HPS1: variants seen among roughly 807,000 people sequenced by gnomAD.
HPS1 encodes the protein BLOC-3 complex member HPS1.
A neutral mutation model predicts 90.6 loss-of-function variants in HPS1; 59 were observed. The ratio of observed to expected loss-of-function variants is 0.65; its 90% CI spans 0.53 to 0.81. HPS1 has a LOEUF of 0.81. Ranked by LOEUF, HPS1 falls within the 30% of genes least tolerant of loss-of-function variation. The pLI is 0.00. For synonymous variants in HPS1, 388 were observed against 384.4 expected (o/e 1.01, Z -0.11); for missense variants, 849 against 896.7 (o/e 0.95, Z 0.68).
Position 98,425,543 on chromosome 10 carries a change from G to C in HPS1, c.1333C>G (p.Gln445Glu). ...FVKNRGAQEI[Q>E]STWLEFKAKA... ...GAGGACTGGAACTTGGGTCTCACCT[G>C]AATCTCCTGTGCCCCTCGATTCTTG... The change falls in exon 13 of 20, where the codon CAG becomes GAG. Residue 445 changes from glutamine to glutamate, a missense_variant and splice_region_variant. By Grantham distance (29) the Gln-to-Glu change is conservative (BLOSUM62 2). Transcript: ENST00000361490. 1 of 1,609,624 alleles carries C rather than the reference G, an allele frequency of 6.2e-7. No homozygotes were observed. The highest frequency in any genetic ancestry group is 1.3e-5 in the African/African-American group (1 of 75,024).
chr10:98,431,977 T>G (rs1287262227), intron 6 of HPS1, among the ~76,000 whole-genome samples: 1 of 152,250 alleles, frequency 6.6e-6, no homozygotes, highest in Non-Finnish European at 1.5e-5. Context: ...ATATTTCACA[T>G]GCATAGCATA....
intron 16 of HPS1, among the ~76,000 whole-genome samples, chr10:98,422,837 A>C (rs866710791): frequency 2.0e-5 from 3 of 152,372 alleles, no homozygotes; most frequent in South Asian, 2.1e-4. Context: ...GTGTGAGCAC[A>C]GCCACTTGGT....
rs551772590 is a variant in HPS1, at chr10:98,445,619, G to A, written c.-105-215C>T. ...CCAGCACAGCCCTTTGCACAGAGCA[G>A]GTGCCCACTTTTGTTCCTTCCTCCT... is the stretch of plus-strand genomic sequence containing the variant. On this transcript the variant is annotated intron_variant, in intron 1 of 19. Transcript: ENST00000361490. The surrounding 1 kb of genome is among the most constrained non-coding windows in gnomAD (Gnocchi z 4.5). Among the ~76,000 whole-genome samples, 4 of 152,314 alleles carry A rather than the reference G, an allele frequency of 2.6e-5. No individual in the cohort carries two copies. The highest frequency in any genetic ancestry group is 7.2e-5 in the African/African-American group (3 of 41,564).
chr10:98,417,708 G>A lies in HPS1; in HGVS notation c.1959C>T (p.Tyr653=), dbSNP rs1240964392. 3 of 1,613,846 alleles carry A rather than the reference G, an allele frequency of 1.9e-6. No homozygotes were observed. Among genetic ancestry groups the A allele is most frequent in the Admixed American group, 3.3e-5 (2 of 60,006 alleles). The change falls in exon 20 of 20, where the codon TAC becomes TAT. Residue 653 remains tyrosine (Y), a synonymous_variant. Coordinates refer to ENST00000361490, the MANE Select transcript of HPS1 (RefSeq NM_000195.5). This position sits in a 1 kb window ranked among gnomAD's most constrained non-coding sequence, Gnocchi z 4.2. ...CAGCCTCGGTTGGGCGGTTCTTGCT[G>A]TAGTAGCGCAGGAGCTTCCTGGGGA... ...GDYYRKLLRY[Y]SKNRPTEAVR... is the part of the protein sequence containing the mutation.
At chr10:98,426,721 A>T (rs1237486985) in intron 11 of HPS1, among the ~76,000 whole-genome samples, 1 of 149,848 alleles carries the variant, frequency 6.7e-6, no homozygotes, top group Non-Finnish European at 1.5e-5. Context: ...ATCTGATTTT[A>T]AAAATACACA....
intron 14 of HPS1, 101 bp downstream of exon 14, chr10:98,424,212 T>C: frequency 1.1e-6 from 1 of 902,994 alleles, no homozygotes; most frequent in South Asian, 1.4e-5. Context: ...TTGAAATTAT[T>C]TTGCTGATAA....
At position 98,417,774 on chromosome 10, in the gene HPS1, C is replaced by A; in HGVS notation, c.1941-48G>T. 6.3e-7 allele frequency: 1 copy of A among 1,575,852 alleles called. No homozygotes were observed. Among genetic ancestry groups the A allele is most frequent in the South Asian group, 1.1e-5 (1 of 90,156 alleles). ...GATTCAGGAGTGAGGCTGTGGCACT[C>A]CTCCAGCGCCAGAGGCCTCTCTGGG... On this transcript the variant is annotated intron_variant, in intron 19 of 19. Coordinates refer to ENST00000361490, the MANE Select transcript of HPS1 (RefSeq NM_000195.5). The surrounding 1 kb of genome is among the most constrained non-coding windows in gnomAD (Gnocchi z 4.2).
intron 18 of HPS1, among the ~76,000 whole-genome samples, chr10:98,418,768 C>T (rs376019552): frequency 1.1e-3 from 165 of 152,356 alleles, no homozygotes; most frequent in African/African-American, 3.7e-3. Flanking sequence ...GCTGCCCCCA[C>T]GGCACCGGCT....
chr10:98,414,367 G>A (rs1843901441), downstream of HPS1: 1 of 151,916 alleles, frequency 6.6e-6, no homozygotes, highest in Admixed American at 6.6e-5. Context: ...CTAGCACCCA[G>A]TAGACTGTGA....
chr10:98,434,055 C>T lies in HPS1; in HGVS notation c.435G>A (p.Leu145=). 6.4e-6 allele frequency: 10 copies of T among 1,552,672 alleles called. No individual in the cohort carries two copies. Among genetic ancestry groups the T allele is most frequent in the Non-Finnish European group, 8.7e-6 (10 of 1,147,972 alleles). The change falls in exon 6 of 20, where the codon CTG becomes CTA. Residue 145 remains leucine, a synonymous_variant. Coordinates refer to ENST00000361490, the MANE Select transcript of HPS1 (RefSeq NM_000195.5). ...RPPDLAQRVQ[L]WEHFQSLLWT... is the part of the protein sequence containing the mutation. ...ACAGCAGGCTCTGGAAGTGCTCCCA[C>T]AGCTGGACACGCTGCGCCAGGTCTG...
chr10:98,435,506 T>G lies in HPS1; in HGVS notation c.256-92A>C. ...GCAGACAAGCCAGGGGAGGCTCGGG[T>G]CCCAGGCGGGTTTGATAAGATGCCG... On this transcript the variant is annotated intron_variant, in intron 4 of 19. Coordinates refer to ENST00000361490, the MANE Select transcript of HPS1 (RefSeq NM_000195.5). The surrounding 1 kb of genome is among the most constrained non-coding windows in gnomAD (Gnocchi z 4.3). 1.2e-6 allele frequency: 2 copies of G among 1,610,128 alleles called. No homozygotes were observed. Among genetic ancestry groups the G allele is most frequent in the African/African-American group, 2.7e-5 (2 of 74,900 alleles).
rs1847115610 is a variant in HPS1 at position 98,435,100 on chromosome 10, A to C, written c.398+172T>G. ...GCTCTGTTTCACCAGATATAAAGTC[A>C]GAGGGTCAGACCAGATGGTCTCCAA... On this transcript the variant is annotated intron_variant, in intron 5 of 19. Coordinates refer to ENST00000361490, the MANE Select transcript of HPS1 (RefSeq NM_000195.5). This position sits in a 1 kb window ranked among gnomAD's most constrained non-coding sequence, Gnocchi z 4.3. The C allele has an allele frequency of 2.9e-6, 2 of 701,752 alleles. No homozygotes were observed. The highest frequency in any genetic ancestry group is 4.0e-4 in the Middle Eastern group (1 of 2,504). 43.5% of individuals were successfully genotyped at this position (701,752 alleles called of 1,614,324 possible).
Position 98,435,764 on chromosome 10 carries a change from G to T in HPS1, c.126C>A (p.Ala42=). Residue 42 remains alanine, a synonymous_variant, in exon 4 of 20, where the codon GCC becomes GCA. Coordinates refer to ENST00000361490, the MANE Select transcript of HPS1 (RefSeq NM_000195.5). This position sits in a 1 kb window ranked among gnomAD's most constrained non-coding sequence, Gnocchi z 4.3. ...GGAGGGTGCTGAGCTGGTCCTCCAGGGCAGGGAGCTGCAAAAATGGGGGAA... is the reference window on the plus strand; with the variant it reads ...GGAGGGTGCTGAGCTGGTCCTCCAGTGCAGGGAGCTGCAAAAATGGGGGAA... ...QSENEEEELP[A]LEDQLSTLLA... is the part of the protein sequence containing the mutation. 2 of 1,614,198 alleles carry T rather than the reference G, an allele frequency of 1.2e-6. No homozygotes were observed. Among genetic ancestry groups the T allele is most frequent in the African/African-American group, 1.3e-5 (1 of 75,050 alleles).
chr10:98,435,148 G>T lies in HPS1; in HGVS notation c.398+124C>A. ...CAAGGTTCACTTGAGCTGTTTCTCT[G>T]ACCTAGGGACCCAGCTGGGGGCAGT... On this transcript the variant is annotated intron_variant, in intron 5 of 19. Coordinates refer to ENST00000361490, the MANE Select transcript of HPS1 (RefSeq NM_000195.5). The surrounding 1 kb of genome is among the most constrained non-coding windows in gnomAD (Gnocchi z 4.3). 1 of 1,155,468 alleles carries T rather than the reference G, an allele frequency of 8.7e-7. No homozygotes were observed. The highest frequency in any genetic ancestry group is 1.3e-6 in the Non-Finnish European group (1 of 776,152). The allele number at this position is 1,155,468 out of a possible 1,614,324, so 71.6% of individuals were successfully genotyped here. A position where few individuals can be genotyped will look rare whatever the true frequency, so the allele number is the denominator to read the frequency against.
intron 11 of HPS1, 45 bp from the exon 12 acceptor site, chr10:98,426,030 T>TAG: frequency 6.4e-7 from 1 of 1,557,350 alleles, no homozygotes; most frequent in Non-Finnish European, 8.9e-7. Context: ...ATCCCTAAGT[T>TAG]GGACCCACCC....
At chr10:98,424,526 C>T in intron 13 of HPS1, 152 bp from the exon 14 acceptor site, 1 of 716,902 alleles carries the variant, frequency 1.4e-6, no homozygotes. Context: ...GCAGGCCCCA[C>T]CAGCCCCCTG....
At chr10:98,425,474 AC>A in intron 13 of HPS1, 66 bp downstream of exon 13, 1 of 1,508,280 alleles carries the variant, frequency 6.6e-7, no homozygotes, top group Non-Finnish European at 9.0e-7. Flanking sequence ...GCTGCTGTGG[AC>A]CGGATGTACC....
At chr10:98,434,190 G>T (rs1424037054) in intron 5 of HPS1, 99 bp from the exon 6 acceptor site, 2 of 1,280,908 alleles carry the variant, frequency 1.6e-6, no homozygotes, top group African/African-American at 2.9e-5. Context: ...ATCAGAGCTT[G>T]GTGAGCCCAT....
At chr10:98,433,419 G>C (rs1167317225) in intron 6 of HPS1, among the ~76,000 whole-genome samples, 1 of 152,140 alleles carries the variant, frequency 6.6e-6, no homozygotes, top group Non-Finnish European at 1.5e-5. Flanking sequence ...AAGGCAAGGA[G>C]TGCTACTGAC....
Sources: gnomAD v4.1 joint callset for allele counts (sites outside exome capture counted in the v4.1 genomes callset) on GRCh38, gnomAD v4.1.1 for gene constraint, Gnocchi (gnomAD v3.1) non-coding constraint, MANE v1.5 for transcripts, NCBI Gene and HGNC (gene_info 2026-07-23, HGNC 2026-07-21) for gene names.